WDR11: variants seen among roughly 807,000 people sequenced by gnomAD.
WDR11 encodes the protein WD repeat-containing protein 11.
Under a neutral mutation model 151.2 loss-of-function variants are expected in WDR11, and 83 were observed. The observed-to-expected ratio is 0.55, with a 90% confidence interval of 0.46 to 0.66. The LOEUF is 0.66. WDR11 is among the 30% of genes least tolerant of loss of function. The probability of loss-of-function intolerance (pLI) is 0.00; values close to 1 mark genes in which losing one functional copy is unlikely to be tolerated. For missense variants in WDR11, 1,301 were observed against 1,480.9 expected, an observed-to-expected ratio of 0.88 and a Z score of 1.99; for synonymous variants, 484 against 533.1, an observed-to-expected ratio of 0.91 and a Z score of 1.27.
At chr10:120,906,620 T>A (rs896056856) in intron 27 of WDR11, 156 bp from the exon 28 acceptor site, 1 of 1,504,886 alleles carries the variant, frequency 6.6e-7, no homozygotes, top group Non-Finnish European at 8.9e-7. Flanking sequence ...CTTCCCTCCT[T>A]TTTTCAACAA....
rs1255027366 is a variant in WDR11, at chr10:120,908,767, G to C, written c.*54G>C. On this transcript the variant is annotated 3_prime_UTR_variant, in exon 29 of 29. Transcript: ENST00000263461. ...CTGGAAGGCAGATGGGAGGGGGCTG[G>C]TCTGGCTGTGGCCACCGTCACAGTC... 6.2e-7 allele frequency: 1 copy of C among 1,603,786 alleles called. No individual in the cohort carries two copies. Among genetic ancestry groups the C allele is most frequent in the Non-Finnish European group, 8.5e-7 (1 of 1,172,552 alleles).
At chr10:120,896,090 A>C (rs988260177) in intron 19 of WDR11, among the ~76,000 whole-genome samples, 5 of 152,242 alleles carry the variant, frequency 3.3e-5, no homozygotes, top group Admixed American at 2.6e-4. Context: ...ATCTGGGGAC[A>C]TCTGCAGAAT....
At chr10:120,874,131 T>G (rs919264965) in intron 11 of WDR11, among the ~76,000 whole-genome samples, 4 of 151,746 alleles carry the variant, frequency 2.6e-5, no homozygotes, top group South Asian at 2.1e-4. Context: ...TAGAGAATGT[T>G]TTCTCTTTTA....
intron 16 of WDR11, among the ~76,000 whole-genome samples, chr10:120,887,805 G>A (rs2133788285): frequency 1.3e-5 from 2 of 152,316 alleles, no homozygotes; most frequent in South Asian, 2.1e-4. Context: ...AAGTTGCAGA[G>A]TCTATTATGA....
chr10:120,905,209 G>A, intron 25 of WDR11, 110 bp from the exon 26 acceptor site: 1 of 968,632 alleles, frequency 1.0e-6, no homozygotes. Context: ...GTCTTCAGTA[G>A]GTATAAAATG....
At chr10:120,899,830 T>C (rs551356896) in intron 19 of WDR11, 199 bp from the exon 20 acceptor site, 2 of 593,934 alleles carry the variant, frequency 3.4e-6, no homozygotes, top group Admixed American at 3.0e-5. Context: ...AAGAAAAATA[T>C]GTTAATCAGA....
In WDR11 at chr10:120,866,616, G is replaced by T; in HGVS notation, c.1042G>T (p.Asp348Tyr). 1 of 1,614,184 alleles carries T rather than the reference G, an allele frequency of 6.2e-7. No homozygotes were observed. The highest frequency in any genetic ancestry group is 8.5e-7 in the Non-Finnish European group (1 of 1,180,036). Residue 348 changes from aspartate (D) to tyrosine (Y), a missense_variant, in exon 8 of 29, where the codon GAT becomes TAT. Transcript: ENST00000263461. ...ELTYDLRSQCDAIRVTKTVRP... is the reference protein window; with the variant it reads ...ELTYDLRSQCYAIRVTKTVRP... The stretch of plus-strand genomic sequence containing the variant: ...TACCTATGATTTACGAAGCCAGTGT[G>T]ATGCAATCAGGGTGACAAAAACCGT...
intron 19 of WDR11, among the ~76,000 whole-genome samples, chr10:120,895,511 A>T (rs1002443227): frequency 1.5e-4 from 23 of 148,628 alleles, no homozygotes; most frequent in African/African-American, 4.0e-4. Context: ...AGTGGAAATT[A>T]AAAAAAAAAA....
At chr10:120,900,233 G>A in intron 20 of WDR11, 96 bp downstream of exon 20, 1 of 1,067,654 alleles carries the variant, frequency 9.4e-7, no homozygotes, top group Non-Finnish European at 1.4e-6. Context: ...CATTTAAAGG[G>A]AATGGAGCCT....
At chr10:120,877,469 A>C (rs1355521186) in intron 11 of WDR11, among the ~76,000 whole-genome samples, 1 of 152,186 alleles carries the variant, frequency 6.6e-6, no homozygotes, top group African/African-American at 2.4e-5. Context: ...AAATACAAAA[A>C]TTAGCTGGGC....
chr10:120,883,047 T>C (rs1847078882), intron 13 of WDR11, among the ~76,000 whole-genome samples: 1 of 152,120 alleles, frequency 6.6e-6, no homozygotes, highest in South Asian at 2.1e-4. Context: ...AAAATTTCCA[T>C]GGGGTGTTAT....
intron 1 of WDR11, 93 bp downstream of exon 1, chr10:120,851,599 T>G: frequency 4.0e-6 from 6 of 1,500,194 alleles, no homozygotes; most frequent in Admixed American, 2.0e-5. Flanking sequence ...CTGGTTAGTT[T>G]GGCCTCGCTA....
intron 11 of WDR11, among the ~76,000 whole-genome samples, chr10:120,874,953 T>C (rs934737178): frequency 1.3e-5 from 2 of 151,966 alleles, no homozygotes; most frequent in Non-Finnish European, 2.9e-5. Flanking sequence ...CTCCTAATGC[T>C]CTCCCTCCCC....
chr10:120,889,433 G>C (rs1176960823), intron 17 of WDR11: 2 of 438,944 alleles, frequency 4.6e-6, no homozygotes, highest in African/African-American at 2.0e-5. Flanking sequence ...GTAGAGACGG[G>C]ATTTCACCAT....
At chr10:120,892,476 G>A (rs767253948) in intron 19 of WDR11, among the ~76,000 whole-genome samples, 12 of 152,180 alleles carry the variant, frequency 7.9e-5, no homozygotes, top group Non-Finnish European at 1.8e-4. Flanking sequence ...TAAATGTGGA[G>A]TGAGGAAAAA....
chr10:120,908,986 G>A lies in WDR11; in HGVS notation c.*273G>A. 9.7e-6 allele frequency: 4 copies of A among 411,050 alleles called. No homozygotes were observed. The highest frequency in any genetic ancestry group is 4.4e-5 in the East Asian group (1 of 22,794). 25.5% of individuals were successfully genotyped at this position (411,050 alleles called of 1,614,324 possible). The stretch of plus-strand genomic sequence containing the variant: ...TTGGGAGAGAGCTTTAAGAGTCCCT[G>A]GAAATACTTTTTAATTTTTTTAACT... On this transcript the variant is annotated 3_prime_UTR_variant, in exon 29 of 29. Transcript: ENST00000263461.
rs940949169 is a variant in WDR11 at position 120,863,668 on chromosome 10, CA to C, written c.713+748del. 2.1e-3 allele frequency among the ~76,000 whole-genome samples: 325 copies of C among 152,184 alleles called. 1 individual carries two copies. Among genetic ancestry groups the C allele is most frequent in the African/African-American group, 7.0e-3 (289 of 41,546 alleles). On this transcript the variant is annotated intron_variant, in intron 5 of 28. Coordinates refer to ENST00000263461, the MANE Select transcript of WDR11 (RefSeq NM_018117.12). Reference sequence around the variant, plus strand: ...AATAATCTGTATATTATTGCTTTGGCAGGCTTTTTTGTTTGTTTTGGCATTC... The same window carrying C: ...AATAATCTGTATATTATTGCTTTGGCGGCTTTTTTGTTTGTTTTGGCATTC...
chr10:120,867,134 A>G lies in WDR11; in HGVS notation c.1259A>G (p.Asn420Ser), dbSNP rs751425422. 1.2e-6 allele frequency: 2 copies of G among 1,613,866 alleles called. No individual in the cohort carries two copies. The highest frequency in any genetic ancestry group is 1.7e-6 in the Non-Finnish European group (2 of 1,179,878). ...FCGIPVGVLQ[N>S]KLPDLSLDNM... ...GGAATTCCTGTAGGAGTGCTACAGA[A>G]TAAACTCCCAGACCTTTCCTTAGAT... is the stretch of plus-strand genomic sequence containing the variant. Residue 420 changes from asparagine (N) to serine (S), a missense_variant, in exon 9 of 29, where the codon AAT becomes AGT. By Grantham distance (46) the Asn-to-Ser change is conservative (BLOSUM62 1). Around this residue, in one of 3 missense-constraint regions of WDR11, gnomAD observed 692 missense variants for 762.5 expected, o/e 0.91. Transcript: ENST00000263461.
At chr10:120,854,416 G>T (rs1379146179) in intron 2 of WDR11, among the ~76,000 whole-genome samples, 1 of 152,156 alleles carries the variant, frequency 6.6e-6, no homozygotes, top group Non-Finnish European at 1.5e-5. Flanking sequence ...TTTTATTGAT[G>T]GACATTTGGA....
Sources: gnomAD v4.1 joint callset for allele counts (sites outside exome capture counted in the v4.1 genomes callset) on GRCh38, gnomAD v4.1.1 for gene constraint, gnomAD v4.1.1 regional missense constraint, MANE v1.5 for transcripts, NCBI Gene and HGNC (gene_info 2026-07-23, HGNC 2026-07-21) for gene names.